The following EPB41L4A variants were observed in gnomAD, a reference collection of about 807,000 sequenced individuals.
EPB41L4A encodes the protein band 4.1-like protein 4A.
EPB41L4A carries 100 observed loss-of-function variants against 108.6 expected under a neutral mutation model. That is an observed-to-expected ratio of 0.92 (90% CI 0.78 to 1.09). EPB41L4A has a LOEUF of 1.09. EPB41L4A is among the 50% of genes least tolerant of loss of function. The pLI, the probability that EPB41L4A is intolerant of heterozygous loss-of-function variation, is 0.00. For missense variants in EPB41L4A, 1,030 were observed against 842.7 expected (o/e 1.22, Z -2.75); for synonymous variants, 319 against 289.0 (o/e 1.10, Z -1.05).
intron 1 of EPB41L4A, among the ~76,000 whole-genome samples, chr5:112,339,509 TAGATATATAG>T (rs1757153172): frequency 2.5e-5 from 1 of 40,728 alleles, no homozygotes; most frequent in Non-Finnish European, 4.5e-5. Context: ...TATATATATA[TAGATATATAG>T]ATATATATCT....
chr5:112,351,413 C>T (rs112523876), intron 1 of EPB41L4A, among the ~76,000 whole-genome samples: 1,657 of 152,120 alleles, frequency 0.011, 29 homozygotes, highest in African/African-American at 0.038. Flanking sequence ...CCAAGACTGA[C>T]GTACGAAGAA....
At chr5:112,316,809 G>A (rs1755454429) in intron 1 of EPB41L4A, among the ~76,000 whole-genome samples, 1 of 152,156 alleles carries the variant, frequency 6.6e-6, no homozygotes, top group African/African-American at 2.4e-5. Context: ...GGCTGGAGAG[G>A]TCTACCTGGG....
At chr5:112,405,288 C>A (rs535395385) in intron 1 of EPB41L4A, among the ~76,000 whole-genome samples, 1 of 152,316 alleles carries the variant, frequency 6.6e-6, no homozygotes, top group East Asian at 1.9e-4. Context: ...CCCATATCCA[C>A]CATCTCCAGA....
rs955703071 is a variant in EPB41L4A, at chr5:112,234,873, G to A, written c.966-118C>T. On this transcript the variant is annotated intron_variant, in intron 11 of 22. Transcript: ENST00000261486. ...AGAAGAAAAAACACACAGACTCCCTGGTTTTTAATTGATTCTCATTGCAAT... is the reference window on the plus strand; with the variant it reads ...AGAAGAAAAAACACACAGACTCCCTAGTTTTTAATTGATTCTCATTGCAAT... 9 of 1,099,284 alleles carry A rather than the reference G, an allele frequency of 8.2e-6. No individual in the cohort carries two copies. In the Admixed American group the frequency reaches 9.4e-5, roughly 12 times the overall value. 68.1% of individuals were successfully genotyped at this position (1,099,284 alleles called of 1,614,324 possible). A position where few individuals can be genotyped will look rare whatever the true frequency, so the allele number is the denominator to read the frequency against.
intron 1 of EPB41L4A, among the ~76,000 whole-genome samples, chr5:112,386,623 GGACA>G (rs1760548144): frequency 6.6e-6 from 1 of 152,078 alleles, no homozygotes; most frequent in Non-Finnish European, 1.5e-5. Context: ...ACTAACTTCA[GGACA>G]GACTATAGAA....
At chr5:112,186,483 T>C (rs1335947174) in intron 17 of EPB41L4A, among the ~76,000 whole-genome samples, 1 of 152,238 alleles carries the variant, frequency 6.6e-6, no homozygotes, top group African/African-American at 2.4e-5. Context: ...TTCAAGATTA[T>C]ACATGTACCT....
rs562074969 is a variant in EPB41L4A, at chr5:112,395,867, T to A, written c.99+23074A>T. On this transcript the variant is annotated intron_variant, in intron 1 of 22. Coordinates refer to ENST00000261486, the MANE Select transcript of EPB41L4A (RefSeq NM_022140.5). ...ACCCAAATGTCCATCAATGATAGAC[T>A]GGATTAAGAAAATGTGGCACATTAT... 2.0e-5 allele frequency among the ~76,000 whole-genome samples: 3 copies of A among 152,314 alleles called. No homozygotes were observed. The East Asian group carries it at 5.8e-4, about 29-fold the overall frequency.
chr5:112,201,347 A>G (rs1762210011), intron 15 of EPB41L4A, among the ~76,000 whole-genome samples: 1 of 152,218 alleles, frequency 6.6e-6, no homozygotes, highest in Non-Finnish European at 1.5e-5. Context: ...TCCACTCTCC[A>G]CAATTACTTC....
chr5:112,264,622 C>G (rs556844890), intron 6 of EPB41L4A: 1 of 232,398 alleles, frequency 4.3e-6, no homozygotes, highest in East Asian at 9.5e-5. Flanking sequence ...CAAATTTTCT[C>G]TGGGAAATTG....
intron 12 of EPB41L4A, among the ~76,000 whole-genome samples, chr5:112,221,545 A>T (rs1188550821): frequency 1.3e-5 from 2 of 152,212 alleles, no homozygotes; most frequent in Non-Finnish European, 2.9e-5. Context: ...ATTAAATTAG[A>T]CAATTTATAT....
rs1313214817 is a variant in EPB41L4A, at chr5:112,318,973, TC to T, written c.100-11484del. On this transcript the variant is annotated intron_variant, in intron 1 of 22. Transcript: ENST00000261486. ...TGTTTATGGGTTACCATGAAGCACG[TC>T]CCCAGGTATTGTCACATTAGCTTGT... Among the ~76,000 whole-genome samples, 4 of 152,232 alleles carry T rather than the reference TC, an allele frequency of 2.6e-5. No individual in the cohort carries two copies. In the East Asian group the frequency reaches 7.7e-4, roughly 29 times the overall value.
chr5:112,153,401 C>T (rs1296712642), intron 12 of EPB41L4A, among the ~76,000 whole-genome samples: 19 of 150,956 alleles, frequency 1.3e-4, no homozygotes, highest in Non-Finnish European at 2.4e-4. Context: ...TGGTGGCATG[C>T]GCCTATAATT....
At chr5:112,387,743 A>G (rs1172662678) in intron 1 of EPB41L4A, among the ~76,000 whole-genome samples, 1 of 152,248 alleles carries the variant, frequency 6.6e-6, no homozygotes, top group Non-Finnish European at 1.5e-5. Flanking sequence ...GGAAGTTTCT[A>G]CATTTTCAAA....
At chr5:112,168,912 T>C in intron 21 of EPB41L4A, 83 bp downstream of exon 21, 2 of 1,489,636 alleles carry the variant, frequency 1.3e-6, no homozygotes, top group Non-Finnish European at 1.9e-6. Flanking sequence ...ATATAAAACA[T>C]TTCCATCAGC....
chr5:112,240,818 A>G lies in EPB41L4A; in HGVS notation c.796-8T>C, dbSNP rs1354462648. ...GAATGAGGTTTCGTTACACTAAGAG[A>G]GAAAGAGAGACAGAATATGAATAAT... On this transcript the variant is annotated splice_region_variant and splice_polypyrimidine_tract_variant and intron_variant, in intron 9 of 22. Coordinates refer to ENST00000261486, the MANE Select transcript of EPB41L4A (RefSeq NM_022140.5). The G allele has an allele frequency of 4.6e-6, 7 of 1,536,582 alleles. No individual in the cohort carries two copies. In the South Asian group the frequency reaches 6.1e-5, roughly 13 times the overall value.
chr5:112,169,087 G>A lies in EPB41L4A; in HGVS notation c.1758C>T (p.Ile586=), dbSNP rs1045750828. Reference sequence around the variant, plus strand: ...GTGGCGAATGAGAATGCCTGATGCGGATTGGGTCACCTTGTGTCCTGAACA... The same window carrying A: ...GTGGCGAATGAGAATGCCTGATGCGAATTGGGTCACCTTGTGTCCTGAACA... ...YTKIETQGDP[I]RIRHSHSPRS... The change falls in exon 21 of 23, where the codon ATC becomes ATT. Residue 586 remains isoleucine (I), a synonymous_variant. Coordinates refer to ENST00000261486, the MANE Select transcript of EPB41L4A (RefSeq NM_022140.5). 1 of 1,613,878 alleles carries A rather than the reference G, an allele frequency of 6.2e-7. No homozygotes were observed. The highest frequency in any genetic ancestry group is 8.5e-7 in the Non-Finnish European group (1 of 1,179,762).
intron 9 of EPB41L4A, among the ~76,000 whole-genome samples, chr5:112,253,057 C>G (rs1439957750): frequency 1.3e-5 from 2 of 152,106 alleles, no homozygotes; most frequent in African/African-American, 4.8e-5. Flanking sequence ...AGGCAAGAAT[C>G]CTCAATGAAT....
At chr5:112,205,398 A>G in intron 14 of EPB41L4A, 23 bp downstream of exon 14, 2 of 1,595,932 alleles carry the variant, frequency 1.3e-6, no homozygotes, top group East Asian at 2.2e-5. Context: ...TGTCTCCTTT[A>G]TAAAAACAAT....
intron 2 of EPB41L4A, among the ~76,000 whole-genome samples, chr5:112,294,626 A>G (rs932421939): frequency 6.6e-6 from 1 of 152,130 alleles, no homozygotes; most frequent in Non-Finnish European, 1.5e-5. Flanking sequence ...TTAAACAAGG[A>G]AAAATGATGG....
Sources: gnomAD v4.1 joint callset for allele counts (sites outside exome capture counted in the v4.1 genomes callset) on GRCh38, gnomAD v4.1.1 for gene constraint, MANE v1.5 for transcripts, NCBI Gene and HGNC (gene_info 2026-07-23, HGNC 2026-07-21) for gene names.